GALNTL6: variants seen among roughly 807,000 people sequenced by gnomAD.
GALNTL6 encodes polypeptide N-acetylgalactosaminyltransferase like 6.
Under a neutral mutation model 73.7 loss-of-function variants are expected in GALNTL6, and 46 were observed. The ratio of observed to expected loss-of-function variants is 0.62; its 90% CI spans 0.49 to 0.80. The LOEUF is 0.80. Ranked by LOEUF, GALNTL6 falls within the 30% of genes least tolerant of loss-of-function variation. GALNTL6 has a pLI of 0.00. For missense variants in GALNTL6, 604 were observed against 755.0 expected (o/e 0.80, Z 2.34); for synonymous variants, 259 against 263.7 (o/e 0.98, Z 0.17).
chr4:172,974,285 G>A (rs28671519), intron 10 of GALNTL6, among the ~76,000 whole-genome samples: 1 of 151,866 alleles, frequency 6.6e-6, no homozygotes, highest in Non-Finnish European at 1.5e-5. Flanking sequence ...CTGTATAATA[G>A]ACGAGCAGAT....
At chr4:172,250,537 C>A (rs1266476203) in intron 3 of GALNTL6, among the ~76,000 whole-genome samples, 3 of 152,176 alleles carry the variant, frequency 2.0e-5, no homozygotes, top group African/African-American at 7.2e-5. Flanking sequence ...CCTATAATCC[C>A]CACATGTTGT....
At chr4:171,969,951 AG>A (rs1480479296) in intron 2 of GALNTL6, among the ~76,000 whole-genome samples, 2 of 152,072 alleles carry the variant, frequency 1.3e-5, no homozygotes, top group Non-Finnish European at 2.9e-5. Context: ...TTGTATTTTT[AG>A]TAGACACGGG....
At chr4:172,746,264 C>T (rs990654377) in intron 5 of GALNTL6, among the ~76,000 whole-genome samples, 7 of 151,810 alleles carry the variant, frequency 4.6e-5, no homozygotes, top group Non-Finnish European at 7.4e-5. Context: ...TTAAAGTGAG[C>T]GTTAAGTGAG....
chr4:172,168,902 G>A, intron 2 of GALNTL6, among the ~76,000 whole-genome samples: 1 of 151,938 alleles, frequency 6.6e-6, no homozygotes, highest in South Asian at 2.1e-4. Context: ...CTAAGGATAT[G>A]ATAGTATATC....
chr4:171,860,550 CTACTT>C (rs746648725), intron 2 of GALNTL6, among the ~76,000 whole-genome samples: 10 of 152,168 alleles, frequency 6.6e-5, no homozygotes, highest in Non-Finnish European at 1.5e-4. Context: ...AAAAAAGACT[CTACTT>C]TATAATCCTT....
intron 5 of GALNTL6, among the ~76,000 whole-genome samples, chr4:172,749,898 T>C (rs946938123): frequency 3.9e-5 from 6 of 152,138 alleles, no homozygotes; most frequent in African/African-American, 1.2e-4. Flanking sequence ...GGTTTTGTTA[T>C]TTTGTGAATA....
At chr4:172,069,185 A>G (rs1342291540) in intron 2 of GALNTL6, among the ~76,000 whole-genome samples, 1 of 108,910 alleles carries the variant, frequency 9.2e-6, no homozygotes, top group Non-Finnish European at 2.0e-5. Flanking sequence ...TATCCTGAAT[A>G]TGCAATTTTT....
At position 171,814,506 on chromosome 4, in the gene GALNTL6, A is replaced by G. The variant is rs986929228; in HGVS notation, c.-75A>G. On this transcript the variant is annotated 5_prime_UTR_variant, in exon 2 of 13. Transcript: ENST00000506823. Reference sequence around the variant, plus strand: ...TCTGGTGCTTCGCAGGGGAGAGGAAAGGAATTTGACATTAAACACAAGAAG... The same window carrying G: ...TCTGGTGCTTCGCAGGGGAGAGGAAGGGAATTTGACATTAAACACAAGAAG... 4 of 1,521,720 alleles carry G rather than the reference A, an allele frequency of 2.6e-6. No homozygotes were observed. Among genetic ancestry groups the G allele is most frequent in the Non-Finnish European group, 3.6e-6 (4 of 1,106,246 alleles). 94.3% of individuals were successfully genotyped at this position (1,521,720 alleles called of 1,614,324 possible). A position where few individuals can be genotyped will look rare whatever the true frequency, so the allele number is the denominator to read the frequency against.
intron 5 of GALNTL6, among the ~76,000 whole-genome samples, chr4:172,462,875 G>T (rs1031552691): frequency 4.6e-5 from 7 of 152,104 alleles, no homozygotes; most frequent in Admixed American, 1.3e-4. Context: ...TTAGGGTGAG[G>T]ATACTCCAAA....
chr4:171,967,457 T>TTTTTTG (rs1553976694), intron 2 of GALNTL6, among the ~76,000 whole-genome samples: 2 of 105,380 alleles, frequency 1.9e-5, no homozygotes, highest in South Asian at 6.7e-4. Flanking sequence ...GTTTTTTTTT[T>TTTTTTG]TTTTTTTTGT....
At chr4:172,466,286 A>C (rs751912581) in intron 5 of GALNTL6, among the ~76,000 whole-genome samples, 3 of 152,212 alleles carry the variant, frequency 2.0e-5, no homozygotes, top group Non-Finnish European at 2.9e-5. Flanking sequence ...AAATGTACAA[A>C]AGTAATGTGA....
At chr4:172,779,861 TC>T (rs1248555265) in intron 5 of GALNTL6, among the ~76,000 whole-genome samples, 1 of 152,198 alleles carries the variant, frequency 6.6e-6, no homozygotes, top group African/African-American at 2.4e-5. Context: ...GATTTTTTTT[TC>T]CCCTTATCGT....
chr4:173,002,693 G>A (rs1461396293), intron 10 of GALNTL6, among the ~76,000 whole-genome samples: 1 of 151,398 alleles, frequency 6.6e-6, no homozygotes, highest in African/African-American at 2.4e-5. Context: ...TACTTGGGAG[G>A]CTGAGGCAGG....
intron 2 of GALNTL6, chr4:171,814,963 A>G: frequency 1.8e-6 from 1 of 560,030 alleles, no homozygotes; most frequent in Non-Finnish European, 3.2e-6. Flanking sequence ...AGAGAAGATA[A>G]TCTTTCACCA....
intron 2 of GALNTL6, among the ~76,000 whole-genome samples, chr4:171,935,434 C>T (rs1197672002): frequency 6.6e-6 from 1 of 152,144 alleles, no homozygotes; most frequent in Non-Finnish European, 1.5e-5. Context: ...ACTAATAAGG[C>T]TACATTGACC....
chr4:172,923,316 G>A (rs894839295), intron 8 of GALNTL6, among the ~76,000 whole-genome samples: 7 of 151,856 alleles, frequency 4.6e-5, no homozygotes, highest in Admixed American at 2.6e-4. Context: ...CTTGTGAGGG[G>A]AATCCCTCTT....
intron 3 of GALNTL6, among the ~76,000 whole-genome samples, chr4:172,307,407 T>A (rs1740178178): frequency 6.6e-6 from 1 of 152,158 alleles, no homozygotes; most frequent in South Asian, 2.1e-4. Context: ...TGCTTTGGGG[T>A]TCTTGGTCAT....
At chr4:172,009,564 G>A (rs1238198682) in intron 2 of GALNTL6, among the ~76,000 whole-genome samples, 1 of 152,030 alleles carries the variant, frequency 6.6e-6, no homozygotes, top group Non-Finnish European at 1.5e-5. Flanking sequence ...TTTCTCAAAG[G>A]GAGTACAAAG....
chr4:171,814,447 T>C lies in GALNTL6; in HGVS notation c.-134T>C. 3 of 849,742 alleles carry C rather than the reference T, an allele frequency of 3.5e-6. No homozygotes were observed. The South Asian group carries it at 4.8e-5, about 14-fold the overall frequency. 52.6% of individuals were successfully genotyped at this position (849,742 alleles called of 1,614,324 possible). ...CCCTCTGAATCCTGCAGATTGGTGC[T>C]GAGCACGCAACAAAAGTTTGTAGCT... On this transcript the variant is annotated 5_prime_UTR_variant, in exon 2 of 13. Coordinates refer to ENST00000506823, the MANE Select transcript of GALNTL6 (RefSeq NM_001034845.3).
Sources: allele counts gnomAD v4.1 joint callset (sites outside exome capture counted in the v4.1 genomes callset), GRCh38; gene constraint gnomAD v4.1.1; transcripts MANE v1.5; gene names NCBI Gene and HGNC (gene_info 2026-07-23, HGNC 2026-07-21).